Variants in PIK3CB observed in about 807,000 individuals in gnomAD.
The protein encoded by PIK3CB is phosphatidylinositol-4,5-bisphosphate 3-kinase catalytic subunit beta.
PIK3CB carries 39 observed loss-of-function variants against 136.8 expected under a neutral mutation model. That is an observed-to-expected ratio of 0.29 (90% CI 0.22 to 0.37). PIK3CB has a LOEUF of 0.37. Ranked by LOEUF, PIK3CB falls within the 10% of genes least tolerant of loss-of-function variation. The probability of loss-of-function intolerance (pLI) is 1.00; values close to 1 mark genes in which losing one functional copy is unlikely to be tolerated. For missense variants in PIK3CB, 868 were observed against 1,275.4 expected (o/e 0.68, Z 4.87); for synonymous variants, 428 against 436.6 (o/e 0.98, Z 0.25).
intron 2 of PIK3CB, among the ~76,000 whole-genome samples, chr3:138,787,922 CTTT>C (rs35705968): frequency 1.1e-4 from 14 of 129,016 alleles, no homozygotes; most frequent in Admixed American, 8.0e-5. Context: ...AACTAGAAGA[CTTT>C]TTTTTTTTTT....
At chr3:138,727,888 G>A (rs368137730) in intron 8 of PIK3CB, among the ~76,000 whole-genome samples, 1 of 151,470 alleles carries the variant, frequency 6.6e-6, no homozygotes, top group Non-Finnish European at 1.5e-5. Context: ...ATGGAGTTTC[G>A]CTCTTGCTGC....
rs368092165 is a variant in PIK3CB at position 138,734,615 on chromosome 3, G to A, written c.972+19C>T. ...CACATGGCTTTTGGGGTTACTAAAG[G>A]TTCAGAAATAAAACTTACAGAAATA... On this transcript the variant is annotated intron_variant, in intron 7 of 23. Transcript: ENST00000674063. 2 of 1,575,604 alleles carry A rather than the reference G, an allele frequency of 1.3e-6. No individual in the cohort carries two copies. Among genetic ancestry groups the A allele is most frequent in the African/African-American group, 1.4e-5 (1 of 74,026 alleles).
intron 2 of PIK3CB, among the ~76,000 whole-genome samples, chr3:138,774,642 T>C (rs2045837882): frequency 6.6e-6 from 1 of 152,152 alleles, no homozygotes; most frequent in Admixed American, 6.5e-5. Context: ...GTAATTGCAA[T>C]GAGAGTGAGT....
chr3:138,657,578 C>T, intron 22 of PIK3CB, 112 bp downstream of exon 22: 1 of 932,858 alleles, frequency 1.1e-6, no homozygotes, highest in African/African-American at 1.7e-5. Flanking sequence ...TTCCTATAAT[C>T]AGACTGAATA....
intron 4 of PIK3CB, among the ~76,000 whole-genome samples, chr3:138,748,194 CACAT>C (rs755976617): frequency 7.3e-6 from 1 of 137,470 alleles, no homozygotes; most frequent in Non-Finnish European, 1.6e-5. Flanking sequence ...CACACACACA[CACAT>C]CCTTAGACCT....
chr3:138,722,446 A>G (rs1259473826), intron 8 of PIK3CB, among the ~76,000 whole-genome samples: 2 of 152,144 alleles, frequency 1.3e-5, no homozygotes, highest in Non-Finnish European at 2.9e-5. Context: ...TTAATATGGC[A>G]TTTAAATATA....
In PIK3CB at chr3:138,712,320, C is replaced by T. The variant is rs1193555943; in HGVS notation, c.1303-16G>A. On this transcript the variant is annotated splice_polypyrimidine_tract_variant and intron_variant, in intron 9 of 23. Coordinates refer to ENST00000674063, the MANE Select transcript of PIK3CB (RefSeq NM_006219.3). Reference sequence around the variant, plus strand: ...CAGGATAATGCTGTTGAAAAAGATACCATTGCATAAATATGCTAAGAATAA... The same window carrying T: ...CAGGATAATGCTGTTGAAAAAGATATCATTGCATAAATATGCTAAGAATAA... 3 of 1,246,098 alleles carry T rather than the reference C, an allele frequency of 2.4e-6. No homozygotes were observed. Among genetic ancestry groups the T allele is most frequent in the East Asian group, 2.6e-5 (1 of 38,832 alleles). The allele number at this position is 1,246,098 out of a possible 1,614,324, so 77.2% of individuals were successfully genotyped here.
At chr3:138,728,109 G>C (rs1456081039) in intron 8 of PIK3CB, among the ~76,000 whole-genome samples, 1 of 152,160 alleles carries the variant, frequency 6.6e-6, no homozygotes, top group African/African-American at 2.4e-5. Context: ...ACGACTCCTG[G>C]CTATAAATTA....
chr3:138,685,469 T>G (rs1052348180), intron 16 of PIK3CB, among the ~76,000 whole-genome samples: 3 of 147,738 alleles, frequency 2.0e-5, no homozygotes, highest in African/African-American at 7.5e-5. Context: ...TACTCAAAAT[T>G]CTGCAATTCA....
At chr3:138,701,321 T>C (rs1403346305) in intron 12 of PIK3CB, among the ~76,000 whole-genome samples, 5 of 151,086 alleles carry the variant, frequency 3.3e-5, no homozygotes, top group Admixed American at 6.6e-5. Flanking sequence ...TAACCAGAGA[T>C]TGGATCCAAG....
intron 9 of PIK3CB, among the ~76,000 whole-genome samples, chr3:138,713,088 T>G (rs1303434780): frequency 6.6e-6 from 1 of 152,048 alleles, no homozygotes; most frequent in Non-Finnish European, 1.5e-5. Context: ...ATCAAACACT[T>G]TGAGGATAAT....
intron 1 of PIK3CB, among the ~76,000 whole-genome samples, chr3:138,833,513 A>T (rs1014621303): frequency 6.6e-6 from 1 of 152,178 alleles, no homozygotes; most frequent in Non-Finnish European, 1.5e-5. Flanking sequence ...AAAAATCCCC[A>T]AATGATTAAT....
At chr3:138,682,242 T>A (rs1261783967) in intron 18 of PIK3CB, among the ~76,000 whole-genome samples, 197 bp from the exon 19 acceptor site, 2 of 152,236 alleles carry the variant, frequency 1.3e-5, no homozygotes, top group Admixed American at 1.3e-4. Context: ...ATTAAAAGAT[T>A]TTTTAAATTG....
chr3:138,653,967 T>C lies in PIK3CB; in HGVS notation c.*1422A>G, dbSNP rs530780329. ...TACTGACTTGGCCATTTCTTGGAGT[T>C]CCAGTGCCAAGTTCCAAAGGCCCAG... is the stretch of plus-strand genomic sequence containing the variant. On this transcript the variant is annotated 3_prime_UTR_variant, in exon 24 of 24. Coordinates refer to ENST00000674063, the MANE Select transcript of PIK3CB (RefSeq NM_006219.3). The C allele has an allele frequency of 9.2e-4, 183 of 198,498 alleles. 1 individual carries two copies. The highest frequency in any genetic ancestry group is 4.1e-3 in the African/African-American group (178 of 43,428). 12.3% of individuals were successfully genotyped at this position (198,498 alleles called of 1,614,324 possible).
intron 21 of PIK3CB, among the ~76,000 whole-genome samples, chr3:138,658,618 T>C (rs990985246): frequency 2.6e-5 from 4 of 152,232 alleles, no homozygotes; most frequent in African/African-American, 9.6e-5. Flanking sequence ...CCTAATTGTA[T>C]ATTACTATTC....
chr3:138,751,199 C>G (rs2045464818), intron 4 of PIK3CB, among the ~76,000 whole-genome samples: 1 of 152,162 alleles, frequency 6.6e-6, no homozygotes, highest in South Asian at 2.1e-4. Context: ...TAGCTCACGC[C>G]TGTAATCCTA....
intron 8 of PIK3CB, among the ~76,000 whole-genome samples, chr3:138,717,530 T>C (rs2108593488): frequency 9.2e-6 from 1 of 108,644 alleles, no homozygotes; most frequent in African/African-American, 2.7e-5. Context: ...AAATTTTTTG[T>C]GGTTTTTTTT....
intron 12 of PIK3CB, among the ~76,000 whole-genome samples, chr3:138,700,916 T>G (rs972725163): frequency 3.3e-5 from 5 of 152,178 alleles, no homozygotes; most frequent in Admixed American, 6.5e-5. Flanking sequence ...ATAGAATGTT[T>G]ACTTAGTGTC....
At chr3:138,783,172 G>A (rs188175761) in intron 2 of PIK3CB, among the ~76,000 whole-genome samples, 5 of 152,226 alleles carry the variant, frequency 3.3e-5, no homozygotes, top group Admixed American at 3.3e-4. Context: ...TGAACATATC[G>A]ACAGCTCTCC....
Sources: allele counts gnomAD v4.1 joint callset (sites outside exome capture counted in the v4.1 genomes callset), GRCh38; gene constraint gnomAD v4.1.1; transcripts MANE v1.5; gene names NCBI Gene and HGNC (gene_info 2026-07-23, HGNC 2026-07-21).